Variants in ANO1 observed in about 807,000 individuals in gnomAD.
ANO1 encodes the protein anoctamin 1.
In ANO1, 59 loss-of-function variants were observed where a neutral mutation model predicts 124.0. That is an observed-to-expected ratio of 0.48 (90% CI 0.39 to 0.59). The LOEUF (loss-of-function observed/expected upper bound fraction) is 0.59, where lower values mean the gene tolerates loss of function less well. Ranked by LOEUF, ANO1 falls within the 20% of genes least tolerant of loss-of-function variation. The pLI is 0.00. For missense variants in ANO1, 1,059 were observed against 1,328.0 expected, an observed-to-expected ratio of 0.80 and a Z score of 3.15; for synonymous variants, 529 against 532.0, an observed-to-expected ratio of 0.99 and a Z score of 0.08.
chr11:70,100,011 C>A (rs1365427122), intron 2 of ANO1, among the ~76,000 whole-genome samples: 1 of 152,186 alleles, frequency 6.6e-6, no homozygotes, highest in Non-Finnish European at 1.5e-5. Context: ...TCAGAGGGAG[C>A]CCAAACCCAC....
At chr11:70,011,554 AC>A (rs1555001126) in intron 1 of ANO1, among the ~76,000 whole-genome samples, 1 of 151,626 alleles carries the variant, frequency 6.6e-6, no homozygotes, top group East Asian at 1.9e-4. Context: ...CTCTCCCACA[AC>A]CCCCCACCTC....
At position 70,126,202 on chromosome 11, in the gene ANO1, G is replaced by A. The variant is rs757797751; in HGVS notation, c.1097+7G>A. 1.7e-5 allele frequency: 27 copies of A among 1,609,674 alleles called. No individual in the cohort carries two copies. The highest frequency in any genetic ancestry group is 5.0e-5 in the Admixed American group (3 of 59,696). ...TGGATGAAAACATCCCCAGGTAGGC[G>A]GCAGCCCACCCCCACCACCCCGCAG... On this transcript the variant is annotated splice_region_variant and intron_variant, in intron 10 of 25. Coordinates refer to ENST00000355303, the MANE Select transcript of ANO1 (RefSeq NM_018043.7).
chr11:70,094,576 G>T (rs1050759243), intron 2 of ANO1, among the ~76,000 whole-genome samples: 1 of 152,182 alleles, frequency 6.6e-6, no homozygotes, highest in Non-Finnish European at 1.5e-5. Context: ...ACCATGAGTA[G>T]GTAGGGCAGA....
the ANO1 span, among the ~76,000 whole-genome samples, chr11:69,974,672 C>T: frequency 6.6e-6 from 1 of 152,160 alleles, no homozygotes; most frequent in Non-Finnish European, 1.5e-5. Context: ...GTCTCTGAGC[C>T]TCCCAGCAGC....
At chr11:70,059,950 C>CTTTTTTTTTTT (rs36021561) in intron 1 of ANO1, among the ~76,000 whole-genome samples, 8 of 75,570 alleles carry the variant, frequency 1.1e-4, no homozygotes, top group Non-Finnish European at 1.2e-4. Context: ...AGGCGTTGGC[C>CTTTTTTTTTTT]TTTTTTTTTT....
chr11:70,058,781 C>T (rs1328130946), intron 1 of ANO1, among the ~76,000 whole-genome samples: 1 of 152,154 alleles, frequency 6.6e-6, no homozygotes. Flanking sequence ...TTTAAAAGAT[C>T]ATTAGTCCAT....
intron 6 of ANO1, 130 bp downstream of exon 6, chr11:70,108,534 C>A: frequency 9.9e-7 from 1 of 1,008,108 alleles, no homozygotes; most frequent in Non-Finnish European, 1.5e-6. Flanking sequence ...GCCTGTGTAA[C>A]AGTTCCAGAC....
rs1290726199 is a variant in ANO1 at position 70,162,916 on chromosome 11, A to G, written c.1893-367A>G. On this transcript the variant is annotated intron_variant, in intron 18 of 25. Coordinates refer to ENST00000355303, the MANE Select transcript of ANO1 (RefSeq NM_018043.7). The stretch of plus-strand genomic sequence containing the variant: ...GTGCTTCTGTGCCAGCTGTCCATGG[A>G]CCCCACCGTGCCAGCGGCACATCCT... 2.6e-5 allele frequency among the ~76,000 whole-genome samples: 4 copies of G among 152,052 alleles called. No individual in the cohort carries two copies. In the East Asian group the frequency reaches 5.8e-4, roughly 22 times the overall value.
At chr11:70,157,967 G>A (rs1455507521) in intron 16 of ANO1, among the ~76,000 whole-genome samples, 4 of 123,208 alleles carry the variant, frequency 3.2e-5, no homozygotes, top group African/African-American at 1.3e-4. Flanking sequence ...GTGACAGAGC[G>A]AGACCCTGTC....
intron 11 of ANO1, among the ~76,000 whole-genome samples, chr11:70,140,668 C>G (rs935631178): frequency 1.5e-4 from 23 of 152,084 alleles, no homozygotes; most frequent in African/African-American, 5.3e-4. Context: ...TAGAGGATAA[C>G]AAAGAAAATC....
intron 9 of ANO1, among the ~76,000 whole-genome samples, chr11:70,125,769 G>A (rs1213552755): frequency 4.6e-5 from 7 of 151,314 alleles, no homozygotes; most frequent in Admixed American, 2.6e-4. Context: ...GCGTGAACGC[G>A]GGAGGTGGAG....
chr11:70,186,164 G>A (rs1249804446), intron 25 of ANO1, among the ~76,000 whole-genome samples: 1 of 152,072 alleles, frequency 6.6e-6, no homozygotes, highest in Non-Finnish European at 1.5e-5. Flanking sequence ...GTGCACACCT[G>A]TAATCCCAGC....
At chr11:70,017,475 C>T (rs35983334) in intron 1 of ANO1, among the ~76,000 whole-genome samples, 14,828 of 149,620 alleles carry the variant, frequency 0.099, 1,000 homozygotes, top group African/African-American at 0.18. Context: ...CCCTCCTTCC[C>T]TCCCTCCCTT....
rs556322923 is a variant in ANO1, at chr11:70,095,001, G to A, written c.441+6917G>A. Among the ~76,000 whole-genome samples, 5 of 152,190 alleles carry A rather than the reference G, an allele frequency of 3.3e-5. No homozygotes were observed. In the South Asian group the frequency reaches 8.3e-4, roughly 25 times the overall value. ...GCAGGAGGATCACCTGAGGTCAGGA[G>A]ATCAAGTCCAGCTTGGCCACATAGC... is the stretch of plus-strand genomic sequence containing the variant. On this transcript the variant is annotated intron_variant, in intron 2 of 25. Coordinates refer to ENST00000355303, the MANE Select transcript of ANO1 (RefSeq NM_018043.7).
chr11:70,143,693 G>C (rs1464771922), intron 11 of ANO1, among the ~76,000 whole-genome samples: 1 of 152,166 alleles, frequency 6.6e-6, no homozygotes, highest in Non-Finnish European at 1.5e-5. Flanking sequence ...GAAATGGACA[G>C]ATTGCCCCCC....
chr11:70,170,518 G>C (rs1057027164), intron 21 of ANO1, among the ~76,000 whole-genome samples: 1 of 152,220 alleles, frequency 6.6e-6, no homozygotes, highest in African/African-American at 2.4e-5. Context: ...ATTGAGCCTG[G>C]GAGGTCAAGG....
intron 8 of ANO1, among the ~76,000 whole-genome samples, chr11:70,119,851 A>G (rs1414794538): frequency 6.6e-6 from 1 of 150,494 alleles, no homozygotes; most frequent in Non-Finnish European, 1.5e-5. Context: ...TGATGGATAG[A>G]TGATGGAGGG....
intron 1 of ANO1, among the ~76,000 whole-genome samples, chr11:70,079,766 C>T (rs1017709623): frequency 6.6e-6 from 1 of 152,232 alleles, no homozygotes; most frequent in African/African-American, 2.4e-5. Flanking sequence ...CTCTGGAGCT[C>T]ACAGAGAGGC....
intron 1 of ANO1, among the ~76,000 whole-genome samples, chr11:69,986,403 C>CG (rs11420802): frequency 0.42 from 63,470 of 151,788 alleles, 14,367 homozygotes; most frequent in South Asian, 0.57. Context: ...GACAAACAGA[C>CG]GACAGACAGA....
Sources: allele counts gnomAD v4.1 joint callset (sites outside exome capture counted in the v4.1 genomes callset), GRCh38; gene constraint gnomAD v4.1.1; transcripts MANE v1.5; gene names NCBI Gene and HGNC (gene_info 2026-07-23, HGNC 2026-07-21).